The following SGCZ variants were observed in gnomAD, a reference collection of about 807,000 sequenced individuals.
SGCZ encodes zeta-sarcoglycan.
SGCZ carries 40 observed loss-of-function variants against 41.3 expected under a neutral mutation model. The ratio of observed to expected loss-of-function variants is 0.97; its 90% CI spans 0.75 to 1.26. SGCZ has a LOEUF of 1.26. SGCZ is among the 50% of genes most tolerant of loss of function. The pLI, the probability that SGCZ is intolerant of heterozygous loss-of-function variation, is 0.00. For missense variants in SGCZ, 552 were observed against 369.8 expected (o/e 1.49, Z -4.04); for synonymous variants, 206 against 137.5 (o/e 1.50, Z -3.49).
intron 3 of SGCZ, among the ~76,000 whole-genome samples, chr8:14,279,660 G>C (rs1213924617): frequency 6.6e-6 from 1 of 151,962 alleles, no homozygotes; most frequent in African/African-American, 2.4e-5. Flanking sequence ...TTCTTTGACT[G>C]CACAGCTTCG....
chr8:14,340,516 G>A (rs932452634), intron 2 of SGCZ, among the ~76,000 whole-genome samples: 1 of 152,116 alleles, frequency 6.6e-6, no homozygotes, highest in African/African-American at 2.4e-5. Flanking sequence ...TAAGGGAAGA[G>A]ATAATGTCTT....
intron 1 of SGCZ, among the ~76,000 whole-genome samples, chr8:15,128,758 A>T (rs1807796012): frequency 6.6e-6 from 1 of 152,212 alleles, no homozygotes; most frequent in Admixed American, 6.5e-5. Context: ...CACAACACAG[A>T]TCCTTCAAAT....
chr8:14,706,209 A>T (rs1456899040), intron 1 of SGCZ, among the ~76,000 whole-genome samples: 3 of 151,610 alleles, frequency 2.0e-5, no homozygotes, highest in South Asian at 2.1e-4. Context: ...GTTTTGAATT[A>T]AAAAAAATTA....
intron 1 of SGCZ, among the ~76,000 whole-genome samples, chr8:14,718,732 T>G (rs4551356): frequency 0.38 from 56,947 of 151,432 alleles, 12,901 homozygotes; most frequent in African/African-American, 0.63. Flanking sequence ...TGATCCATAT[T>G]ATCCTAAGAT....
chr8:14,439,529 C>A (rs756793703), intron 2 of SGCZ, among the ~76,000 whole-genome samples: 13 of 151,648 alleles, frequency 8.6e-5, no homozygotes, highest in Non-Finnish European at 1.5e-4. Flanking sequence ...ACCCAACAAT[C>A]TTTCCCAAAA....
At chr8:15,077,906 C>G (rs924102091) in intron 1 of SGCZ, among the ~76,000 whole-genome samples, 2 of 151,944 alleles carry the variant, frequency 1.3e-5, no homozygotes, top group African/African-American at 4.8e-5. Flanking sequence ...GGAAGTGTCC[C>G]CAGAGAATCT....
chr8:14,709,521 G>A (rs1437587717), intron 1 of SGCZ, among the ~76,000 whole-genome samples: 2 of 152,164 alleles, frequency 1.3e-5, no homozygotes, highest in African/African-American at 2.4e-5. Flanking sequence ...CTTCTCAATT[G>A]TGCAGAATTC....
chr8:14,295,076 A>G (rs1800965435), intron 3 of SGCZ, among the ~76,000 whole-genome samples: 1 of 152,174 alleles, frequency 6.6e-6, no homozygotes, highest in South Asian at 2.1e-4. Context: ...TAGAATAAAT[A>G]TCCTGGGTAT....
At chr8:14,536,059 A>G (rs1170105463) in intron 2 of SGCZ, among the ~76,000 whole-genome samples, 1 of 151,922 alleles carries the variant, frequency 6.6e-6, no homozygotes. Flanking sequence ...CTGGGGAAAT[A>G]CACTCATATT....
At chr8:14,981,857 G>A (rs1029718994) in intron 1 of SGCZ, among the ~76,000 whole-genome samples, 1 of 152,180 alleles carries the variant, frequency 6.6e-6, no homozygotes, top group East Asian at 1.9e-4. Context: ...TTTCAAAAGG[G>A]AATGACATTA....
chr8:14,627,119 C>T (rs184040537), intron 1 of SGCZ, among the ~76,000 whole-genome samples: 136 of 152,192 alleles, frequency 8.9e-4, no homozygotes, highest in African/African-American at 3.2e-3. Flanking sequence ...CATTATGATA[C>T]AAATTGTTAA....
At chr8:15,088,140 A>G (rs1806017812) in intron 1 of SGCZ, among the ~76,000 whole-genome samples, 1 of 152,148 alleles carries the variant, frequency 6.6e-6, no homozygotes, top group South Asian at 2.1e-4. Flanking sequence ...TGCAATATGC[A>G]TGATACTTTA....
chr8:14,340,305 T>C (rs1802657485), intron 2 of SGCZ, among the ~76,000 whole-genome samples: 1 of 152,182 alleles, frequency 6.6e-6, no homozygotes, highest in South Asian at 2.1e-4. Flanking sequence ...AAAAATGCTT[T>C]TCATACTCTA....
At chr8:14,590,032 CCTT>C (rs1209461436) in intron 1 of SGCZ, among the ~76,000 whole-genome samples, 1 of 152,028 alleles carries the variant, frequency 6.6e-6, no homozygotes, top group African/African-American at 2.4e-5. Flanking sequence ...AGTAGGTTTT[CCTT>C]CTTTCTTTGC....
intron 3 of SGCZ, among the ~76,000 whole-genome samples, chr8:14,244,325 G>A (rs1038957564): frequency 1.4e-4 from 21 of 150,980 alleles, no homozygotes; most frequent in Non-Finnish European, 2.1e-4. Flanking sequence ...ATTCATTTCC[G>A]TGAAACAAGT....
At chr8:14,862,370 C>T (rs1314537445) in intron 1 of SGCZ, among the ~76,000 whole-genome samples, 2 of 151,700 alleles carry the variant, frequency 1.3e-5, no homozygotes, top group Non-Finnish European at 2.9e-5. Flanking sequence ...CTAAGTGTGG[C>T]TGTTGTGCAA....
intron 1 of SGCZ, among the ~76,000 whole-genome samples, chr8:15,090,226 T>C (rs750462432): frequency 1.3e-5 from 2 of 152,222 alleles, no homozygotes; most frequent in Non-Finnish European, 2.9e-5. Flanking sequence ...TTTACTCACA[T>C]ACTGATCTGA....
chr8:14,121,316 T>C (rs1802689295), intron 5 of SGCZ, among the ~76,000 whole-genome samples: 1 of 152,100 alleles, frequency 6.6e-6, no homozygotes, highest in Non-Finnish European at 1.5e-5. Context: ...TGAGATAAAA[T>C]GTTATTCACT....
chr8:15,223,330 A>G (rs112269560), intron 1 of SGCZ, among the ~76,000 whole-genome samples: 3 of 152,182 alleles, frequency 2.0e-5, no homozygotes, highest in Non-Finnish European at 4.4e-5. Context: ...AGCTTCCCCA[A>G]TATTTTGGTA....
Sources: allele counts gnomAD v4.1 joint callset (sites outside exome capture counted in the v4.1 genomes callset), GRCh38; gene constraint gnomAD v4.1.1; transcripts MANE v1.5; gene names NCBI Gene and HGNC (gene_info 2026-07-23, HGNC 2026-07-21).